Variants in CYP2C19 observed in about 807,000 individuals in gnomAD.
CYP2C19 encodes cytochrome P450 2C19.
CYP2C19 carries 59 observed loss-of-function variants against 40.9 expected under a neutral mutation model. The observed-to-expected ratio is 1.44, with a 90% confidence interval of 1.17 to 1.79. The LOEUF is 1.79. Among genes scored for constraint, CYP2C19 ranks in the 40% most tolerant of loss-of-function variants. CYP2C19 has a pLI of 0.00. For synonymous variants in CYP2C19, 253 were observed against 208.7 expected (o/e 1.21, Z -1.83); for missense variants, 754 against 596.9 (o/e 1.26, Z -2.74).
chr10:94,762,843 T>A lies in CYP2C19; in HGVS notation c.138T>A (p.Asp46Glu), dbSNP rs1482062620. ...TGATTGGAAATATCCTACAGATAGA[T>A]ATTAAGGATGTCAGCAAATCCTTAA... ...LPVIGNILQIDIKDVSKSLTN... is the reference protein window; with the variant it reads ...LPVIGNILQIEIKDVSKSLTN... Residue 46 changes from aspartate to glutamate, a missense_variant, in exon 1 of 9, where the codon GAT (aspartate) becomes GAA (glutamate). Coordinates refer to ENST00000371321, the MANE Select transcript of CYP2C19 (RefSeq NM_000769.4). 6.2e-7 allele frequency: 1 copy of A among 1,613,936 alleles called. No homozygotes were observed. The highest frequency in any genetic ancestry group is 1.7e-5 in the Admixed American group (1 of 60,010).
intron 5 of CYP2C19, among the ~76,000 whole-genome samples, chr10:94,804,250 C>T (rs1479948356): frequency 6.6e-6 from 1 of 152,112 alleles, no homozygotes; most frequent in East Asian, 1.9e-4. Flanking sequence ...ATGTCATCAC[C>T]CAGGAGAACT....
chr10:94,839,468 C>T (rs1460073265), intron 6 of CYP2C19, among the ~76,000 whole-genome samples: 1 of 152,204 alleles, frequency 6.6e-6, no homozygotes, highest in Admixed American at 6.5e-5. Flanking sequence ...CCTAACATTG[C>T]CTTTGTACTC....
chr10:94,811,326 G>A (rs1236644177), intron 5 of CYP2C19, among the ~76,000 whole-genome samples: 1 of 152,252 alleles, frequency 6.6e-6, no homozygotes, highest in East Asian at 1.9e-4. Flanking sequence ...TAGAATAAGT[G>A]TGAAGTGGTG....
intron 5 of CYP2C19, among the ~76,000 whole-genome samples, chr10:94,800,768 T>A (rs984641938): frequency 1.3e-5 from 2 of 152,164 alleles, no homozygotes; most frequent in Non-Finnish European, 2.9e-5. Context: ...CGCAAGTTGA[T>A]CTTAGACTGC....
chr10:94,802,755 A>G (rs1333621209), intron 5 of CYP2C19, among the ~76,000 whole-genome samples: 1 of 151,942 alleles, frequency 6.6e-6, no homozygotes, highest in Non-Finnish European at 1.5e-5. Context: ...TGCTTCCTTC[A>G]TGGATTCTTG....
intron 6 of CYP2C19, among the ~76,000 whole-genome samples, chr10:94,831,098 A>G (rs1209126237): frequency 2.6e-5 from 4 of 152,172 alleles, no homozygotes; most frequent in African/African-American, 9.7e-5. Context: ...TTTTTATTTT[A>G]GATCCCACAA....
chr10:94,839,885 G>A (rs1849465560), intron 6 of CYP2C19, among the ~76,000 whole-genome samples: 1 of 152,148 alleles, frequency 6.6e-6, no homozygotes, highest in Non-Finnish European at 1.5e-5. Context: ...GAATCTGCTG[G>A]GTTAAGGGAA....
At chr10:94,775,601 T>A in intron 3 of CYP2C19, 62 bp downstream of exon 3, 1 of 1,612,882 alleles carries the variant, frequency 6.2e-7, no homozygotes, top group Non-Finnish European at 8.5e-7. Flanking sequence ...ACTGACATTC[T>A]TGGAAACATT....
At chr10:94,795,702 G>T (rs992514260) in intron 5 of CYP2C19, among the ~76,000 whole-genome samples, 2 of 152,254 alleles carry the variant, frequency 1.3e-5, no homozygotes, top group Admixed American at 6.5e-5. Flanking sequence ...TGTTCTAACT[G>T]GTGTGAGATG....
intron 1 of CYP2C19, among the ~76,000 whole-genome samples, chr10:94,763,146 A>G (rs1848195620): frequency 2.0e-5 from 3 of 152,324 alleles, no homozygotes; most frequent in African/African-American, 7.2e-5. Context: ...TCTTTATTTC[A>G]TAGCCATTTG....
rs1848663008 is a variant in CYP2C19, at chr10:94,795,045, T to G, written c.819+13048T>G. On this transcript the variant is annotated intron_variant, in intron 5 of 8. Coordinates refer to ENST00000371321, the MANE Select transcript of CYP2C19 (RefSeq NM_000769.4). ...TATACTTTAAGTTGTAGGGTACATGTGCACAATGTGCAGGTTTGTTACATA... is the reference window on the plus strand; with the variant it reads ...TATACTTTAAGTTGTAGGGTACATGGGCACAATGTGCAGGTTTGTTACATA... 2.0e-5 allele frequency among the ~76,000 whole-genome samples: 3 copies of G among 151,954 alleles called. No homozygotes were observed. The South Asian group carries it at 6.2e-4, about 31-fold the overall frequency.
intron 5 of CYP2C19, among the ~76,000 whole-genome samples, chr10:94,805,961 A>G (rs1011330777): frequency 5.9e-5 from 9 of 152,174 alleles, no homozygotes; most frequent in South Asian, 2.1e-4. Flanking sequence ...AGTCAAAGGG[A>G]ATGGCTTGCC....
intron 5 of CYP2C19, among the ~76,000 whole-genome samples, chr10:94,820,208 T>G (rs1849091061): frequency 6.6e-6 from 1 of 151,950 alleles, no homozygotes; most frequent in Admixed American, 6.6e-5. Context: ...TGCTAAAAAC[T>G]CTCAATAAAT....
intron 7 of CYP2C19, among the ~76,000 whole-genome samples, chr10:94,849,465 C>G (rs954731654): frequency 1.3e-5 from 2 of 151,414 alleles, no homozygotes; most frequent in Non-Finnish European, 2.9e-5. Flanking sequence ...TCCTATAGGA[C>G]TTTGGGATTT....
Position 94,817,032 on chromosome 10 carries a change from TA to T in CYP2C19, c.820-3461del, listed in dbSNP as rs1240654953. On this transcript the variant is annotated intron_variant, in intron 5 of 8. Coordinates refer to ENST00000371321, the MANE Select transcript of CYP2C19 (RefSeq NM_000769.4). ...TTTGCTATTGTGAATAATGCCGCAA[TA>T]AACATACGTGTGCATGTGTCTTTAT... Among the ~76,000 whole-genome samples the T allele has an allele frequency of 9.9e-5, 12 of 121,826 alleles. 1 individual carries two copies. Among genetic ancestry groups the T allele is most frequent in the Admixed American group, 9.1e-4 (10 of 10,980 alleles). The allele number at this position is 121,826 out of a possible 152,430, so 79.9% of individuals were successfully genotyped here. A position where few individuals can be genotyped will look rare whatever the true frequency, so the allele number is the denominator to read the frequency against.
intron 1 of CYP2C19, among the ~76,000 whole-genome samples, chr10:94,770,493 C>A (rs1848313520): frequency 6.6e-6 from 1 of 152,050 alleles, no homozygotes; most frequent in Non-Finnish European, 1.5e-5. Context: ...TCCTTTTGGG[C>A]CTGTTCCTCT....
chr10:94,834,699 A>T (rs1849375956), intron 6 of CYP2C19, among the ~76,000 whole-genome samples: 1 of 152,086 alleles, frequency 6.6e-6, no homozygotes, highest in South Asian at 2.1e-4. Context: ...CTGTGCTTTC[A>T]GGCAGCAGAT....
intron 6 of CYP2C19, among the ~76,000 whole-genome samples, chr10:94,823,854 C>G (rs1232042873): frequency 6.6e-6 from 1 of 152,098 alleles, no homozygotes; most frequent in Non-Finnish European, 1.5e-5. Context: ...GTCCTGAGCT[C>G]CAGCAATCAG....
intron 5 of CYP2C19, among the ~76,000 whole-genome samples, chr10:94,818,798 G>A (rs914631741): frequency 1.9e-4 from 29 of 150,918 alleles, no homozygotes; most frequent in South Asian, 4.2e-4. Flanking sequence ...GGGCTGAGAC[G>A]ATGGGGTTTT....
Sources: gnomAD v4.1 joint callset for allele counts (sites outside exome capture counted in the v4.1 genomes callset) on GRCh38, gnomAD v4.1.1 for gene constraint, MANE v1.5 for transcripts, NCBI Gene and HGNC (gene_info 2026-07-23, HGNC 2026-07-21) for gene names.